FAM193A: variants seen among roughly 807,000 people sequenced by gnomAD.
FAM193A encodes protein FAM193A.
A neutral mutation model predicts 126.5 loss-of-function variants in FAM193A; 22 were observed. The observed-to-expected ratio is 0.17, with a 90% confidence interval of 0.12 to 0.25. FAM193A has a LOEUF of 0.25. Among genes scored for constraint, FAM193A ranks in the 10% least tolerant of loss-of-function variants. The pLI, the probability that FAM193A is intolerant of heterozygous loss-of-function variation, is 1.00. For missense variants in FAM193A, 1,675 were observed against 1,672.8 expected (o/e 1.00, Z -0.02); for synonymous variants, 761 against 646.8 (o/e 1.18, Z -2.68).
intron 4 of FAM193A, among the ~76,000 whole-genome samples, chr4:2,630,022 T>C (rs542410696): frequency 4.6e-5 from 7 of 151,714 alleles, no homozygotes; most frequent in Middle Eastern, 3.4e-3. Flanking sequence ...GTCCCAGCTA[T>C]TCGGGAGGCT....
intron 19 of FAM193A, among the ~76,000 whole-genome samples, chr4:2,709,302 T>G (rs1718657950): frequency 6.6e-6 from 1 of 152,212 alleles, no homozygotes; most frequent in Non-Finnish European, 1.5e-5. Context: ...TTACATTATT[T>G]AATATATTTA....
At chr4:2,694,312 C>T (rs1560577628) in intron 16 of FAM193A, among the ~76,000 whole-genome samples, 1 of 151,970 alleles carries the variant, frequency 6.6e-6, no homozygotes. Context: ...CTCTGTCGCC[C>T]AGGCTGAAGT....
At chr4:2,536,449 A>C (rs1164091814), upstream of FAM193A, among the ~76,000 whole-genome samples, 2 of 151,642 alleles carry the variant, frequency 1.3e-5, no homozygotes, top group Non-Finnish European at 2.9e-5. Context: ...GGGTACCCCC[A>C]GCTGCTGCAC....
At position 2,700,070 on chromosome 4, in the gene FAM193A, G is replaced by A. The variant is rs148532447; in HGVS notation, c.3898G>A (p.Val1300Ile). 158 of 1,613,726 alleles carry A rather than the reference G, an allele frequency of 9.8e-5. No homozygotes were observed. Among genetic ancestry groups the A allele is most frequent in the Non-Finnish European group, 6.2e-5 (73 of 1,180,000 alleles). ...GGCTGATGGGGATGCTGCAGACCCC[G>A]TCGACACCAGAGACTCCAAATTTCT... is the stretch of plus-strand genomic sequence containing the variant. ...LGADGDAADP[V>I]DTRDSKFLLP... The change falls in exon 19 of 21, where the codon GTC becomes ATC. Residue 1300 changes from valine (V) to isoleucine (I), a missense_variant. Physicochemically the swap from Val to Ile is conservative, Grantham distance 29 (BLOSUM62 3). Transcript: ENST00000637812.
intron 15 of FAM193A, among the ~76,000 whole-genome samples, chr4:2,691,217 G>A (rs1438157538): frequency 1.3e-5 from 2 of 152,154 alleles, no homozygotes; most frequent in Non-Finnish European, 2.9e-5. Context: ...CTCTGTTTCT[G>A]TTCTTCTGTG....
rs2108935282 is a variant in FAM193A at position 2,607,855 on chromosome 4, C to G, written c.501+11526C>G. On this transcript the variant is annotated intron_variant, in intron 2 of 20. Coordinates refer to ENST00000637812, the MANE Select transcript of FAM193A (RefSeq NM_001366318.2). ...TTTCTTTATATACACTCAGTAGCAG[C>G]TCTTTATTGGTTGTATGTGTTGCAG... The G allele has an allele frequency of 4.8e-6, 3 of 623,944 alleles. No individual in the cohort carries two copies. In the South Asian group the frequency reaches 6.4e-5, roughly 13 times the overall value. The allele number at this position is 623,944 out of a possible 1,614,324, so 38.7% of individuals were successfully genotyped here.
At chr4:2,670,891 C>T (rs1713711713) in intron 12 of FAM193A, among the ~76,000 whole-genome samples, 1 of 152,000 alleles carries the variant, frequency 6.6e-6, no homozygotes, top group Admixed American at 6.6e-5. Flanking sequence ...TGTTTGTTTC[C>T]TTGTTTTTGT....
chr4:2,614,126 T>G (rs1742048544), intron 2 of FAM193A, among the ~76,000 whole-genome samples: 1 of 152,222 alleles, frequency 6.6e-6, no homozygotes, highest in Non-Finnish European at 1.5e-5. Context: ...AATGTGTTTC[T>G]TCCTTTGCAA....
rs1166690777 is a variant in FAM193A, at chr4:2,700,431, C to T, written c.4259C>T (p.Ser1420Phe). ...KSNPTPMEPTSPGEHQQNSKL... is the reference protein window; with the variant it reads ...KSNPTPMEPTFPGEHQQNSKL... ...AACCCAACCCCTATGGAGCCCACCT[C>T]TCCCGGTGAGCATCAGCAGAACAGC... The change falls in exon 19 of 21, where the codon TCT becomes TTT. Residue 1420 changes from serine (S) to phenylalanine (F), a missense_variant. By Grantham distance (155) the Ser-to-Phe change is radical. Around this residue, in one of 4 missense-constraint regions of FAM193A, gnomAD observed 415 missense variants for 396.7 expected, o/e 1.05. Transcript: ENST00000637812. 6 of 1,614,096 alleles carry T rather than the reference C, an allele frequency of 3.7e-6. No homozygotes were observed. The highest frequency in any genetic ancestry group is 3.3e-5 in the South Asian group (3 of 91,092).
chr4:2,723,133 G>T (rs545658331), intron 20 of FAM193A, among the ~76,000 whole-genome samples: 10 of 152,124 alleles, frequency 6.6e-5, no homozygotes, highest in Non-Finnish European at 1.3e-4. Flanking sequence ...AATTAGCCGG[G>T]TGTGGTGGCA....
At chr4:2,630,086 C>T (rs1315198910) in intron 4 of FAM193A, among the ~76,000 whole-genome samples, 3 of 147,730 alleles carry the variant, frequency 2.0e-5, no homozygotes, top group Non-Finnish European at 4.5e-5. Flanking sequence ...GAGCCGAGAT[C>T]ACACCATTGC....
Position 2,639,328 on chromosome 4 carries a change from T to G in FAM193A, c.1039-407T>G, listed in dbSNP as rs1046340297. Among the ~76,000 whole-genome samples, 4 of 152,124 alleles carry G rather than the reference T, an allele frequency of 2.6e-5. No individual in the cohort carries two copies. In the East Asian group the frequency reaches 5.8e-4, roughly 22 times the overall value. ...AGGTTTCTCCAAATAGGTAAGAAAA[T>G]TGTTATCCTTTAGCATCGAGGGACT... is the stretch of plus-strand genomic sequence containing the variant. On this transcript the variant is annotated intron_variant, in intron 5 of 20. Transcript: ENST00000637812.
At chr4:2,655,223 T>C (rs1711534547) in intron 7 of FAM193A, 1 of 513,460 alleles carries the variant, frequency 1.9e-6, no homozygotes, top group Non-Finnish European at 3.5e-6. Context: ...CTAGTTGATT[T>C]AGGCTATCAT....
chr4:2,615,922 C>G (rs1742155492), intron 2 of FAM193A, among the ~76,000 whole-genome samples: 1 of 152,180 alleles, frequency 6.6e-6, no homozygotes, highest in Admixed American at 6.5e-5. Context: ...AGCGATTCTC[C>G]TGCCTCAGCC....
chr4:2,538,215 T>A (rs898656490), intron 1 of FAM193A, among the ~76,000 whole-genome samples: 1 of 152,122 alleles, frequency 6.6e-6, no homozygotes, highest in South Asian at 2.1e-4. Context: ...TTTTTTCTTT[T>A]GAGAACGGAG....
intron 2 of FAM193A, among the ~76,000 whole-genome samples, chr4:2,624,349 G>A (rs998928550): frequency 1.3e-5 from 2 of 152,140 alleles, no homozygotes; most frequent in Non-Finnish European, 2.9e-5. Flanking sequence ...TCACCGTGTG[G>A]GTCAGGCTGG....
At chr4:2,691,327 T>C (rs6605351) in intron 15 of FAM193A, among the ~76,000 whole-genome samples, 147,512 of 152,270 alleles carry the variant, frequency 0.97, 71,496 homozygotes, top group East Asian at 1. Context: ...GCGATTCTCC[T>C]ACCTCAGCCT....
At chr4:2,574,094 T>A (rs1739446196) in intron 1 of FAM193A, among the ~76,000 whole-genome samples, 1 of 152,114 alleles carries the variant, frequency 6.6e-6, no homozygotes. Flanking sequence ...AGTGGTATTG[T>A]GTCAGTTCTG....
intron 7 of FAM193A, among the ~76,000 whole-genome samples, chr4:2,648,571 G>C (rs1290326066): frequency 6.6e-6 from 1 of 152,256 alleles, no homozygotes; most frequent in Non-Finnish European, 1.5e-5. Context: ...AGCAGGGTCT[G>C]GATGCCAGGT....
Sources: gnomAD v4.1 joint callset for allele counts (sites outside exome capture counted in the v4.1 genomes callset) on GRCh38, gnomAD v4.1.1 for gene constraint, gnomAD v4.1.1 regional missense constraint, MANE v1.5 for transcripts, NCBI Gene and HGNC (gene_info 2026-07-23, HGNC 2026-07-21) for gene names.